The following ALCAM variants were observed in gnomAD, a reference collection of about 807,000 sequenced individuals.
ALCAM encodes activated leukocyte cell adhesion molecule, also known as CD166 antigen.
In ALCAM, 30 loss-of-function variants were observed where a neutral mutation model predicts 70.9. The observed-to-expected ratio is 0.42, with a 90% CI of 0.32 to 0.57. The LOEUF is 0.57. Among genes scored for constraint, ALCAM ranks in the 20% least tolerant of loss-of-function variants. The pLI is 0.11. For synonymous variants in ALCAM, 249 were observed against 242.5 expected, an observed-to-expected ratio of 1.03 and a Z score of -0.25; for missense variants, 591 against 695.1, an observed-to-expected ratio of 0.85 and a Z score of 1.68.
intron 1 of ALCAM, among the ~76,000 whole-genome samples, chr3:105,368,280 A>G (rs1935133356): frequency 6.7e-6 from 1 of 149,460 alleles, no homozygotes; most frequent in Admixed American, 6.7e-5. Context: ...CAAAATTCCC[A>G]ACAACTAAAA....
At chr3:105,498,480 T>C (rs1285876727) in intron 1 of ALCAM, among the ~76,000 whole-genome samples, 3 of 150,076 alleles carry the variant, frequency 2.0e-5, no homozygotes, top group Non-Finnish European at 4.4e-5. Flanking sequence ...CCACCATGTT[T>C]TGTCTGTTAG....
chr3:105,378,326 T>C (rs1935428776), intron 1 of ALCAM, among the ~76,000 whole-genome samples: 1 of 152,004 alleles, frequency 6.6e-6, no homozygotes, highest in Non-Finnish European at 1.5e-5. Context: ...CATACTGTAA[T>C]TTAATGAGTA....
chr3:105,474,881 G>C (rs910440632), intron 1 of ALCAM, among the ~76,000 whole-genome samples: 9 of 151,076 alleles, frequency 6.0e-5, no homozygotes, highest in African/African-American at 2.2e-4. Flanking sequence ...ACTGGTTCCA[G>C]TTAGTATATT....
intron 3 of ALCAM, among the ~76,000 whole-genome samples, chr3:105,527,914 G>T (rs188260141): frequency 6.6e-6 from 1 of 151,262 alleles, no homozygotes; most frequent in Admixed American, 6.6e-5. Flanking sequence ...ATTTTGGGGG[G>T]CATTGAGGGG....
intron 6 of ALCAM, 59 bp downstream of exon 6, chr3:105,534,904 T>C (rs1339549797): frequency 1.4e-6 from 2 of 1,459,346 alleles, no homozygotes; most frequent in Non-Finnish European, 1.8e-6. Context: ...ATTCAAATGC[T>C]ATTAATCTTT....
At chr3:105,543,096 CT>C (rs1940162846) in intron 8 of ALCAM, among the ~76,000 whole-genome samples, 1 of 151,602 alleles carries the variant, frequency 6.6e-6, no homozygotes, top group Admixed American at 6.6e-5. Context: ...AATCTAGTGC[CT>C]TAGAGATGGT....
At chr3:105,426,733 A>G (rs1379381554) in intron 1 of ALCAM, among the ~76,000 whole-genome samples, 1 of 151,848 alleles carries the variant, frequency 6.6e-6, no homozygotes, top group African/African-American at 2.4e-5. Flanking sequence ...TGCAAATTAG[A>G]TTGTTAACTT....
chr3:105,394,900 C>T (rs1244241055), intron 1 of ALCAM, among the ~76,000 whole-genome samples: 2 of 151,810 alleles, frequency 1.3e-5, no homozygotes, highest in South Asian at 2.1e-4. Flanking sequence ...TTATAGCAGA[C>T]CTGTAAGGTT....
chr3:105,388,112 A>G (rs530101399), intron 1 of ALCAM, among the ~76,000 whole-genome samples: 17 of 151,766 alleles, frequency 1.1e-4, no homozygotes, highest in African/African-American at 3.9e-4. Context: ...ATAAAAAGAC[A>G]AGGAAGTACA....
intron 1 of ALCAM, among the ~76,000 whole-genome samples, chr3:105,475,823 CA>C (rs776470787): frequency 7.2e-5 from 11 of 151,866 alleles, no homozygotes; most frequent in Non-Finnish European, 1.3e-4. Flanking sequence ...TCCTGGCCCC[CA>C]TCATGCTCTT....
At chr3:105,572,073 C>T (rs925028499) in intron 15 of ALCAM, 109 bp downstream of exon 15, 3 of 638,248 alleles carry the variant, frequency 4.7e-6, no homozygotes, top group Non-Finnish European at 7.9e-6. Flanking sequence ...GCTTTCAAAA[C>T]AGGAAGAGAG....
intron 11 of ALCAM, among the ~76,000 whole-genome samples, chr3:105,549,574 C>T (rs145178402): frequency 2.0e-5 from 3 of 151,428 alleles, no homozygotes; most frequent in Non-Finnish European, 4.4e-5. Context: ...CTCATTAACA[C>T]CTCACAAACA....
intron 1 of ALCAM, among the ~76,000 whole-genome samples, chr3:105,415,808 A>C (rs150737992): frequency 6.6e-6 from 1 of 152,108 alleles, no homozygotes; most frequent in East Asian, 1.9e-4. Context: ...ACACTTTACA[A>C]AGATAATTTA....
chr3:105,519,727 T>G (rs1939479437), intron 1 of ALCAM, among the ~76,000 whole-genome samples: 2 of 152,160 alleles, frequency 1.3e-5, no homozygotes. Flanking sequence ...GGAAATTATT[T>G]CTATGAAATA....
At chr3:105,473,888 T>G in intron 1 of ALCAM, among the ~76,000 whole-genome samples, 1 of 149,972 alleles carries the variant, frequency 6.7e-6, no homozygotes, top group South Asian at 2.1e-4. Flanking sequence ...TTTGTTTTGT[T>G]TTTTTTTTTA....
Position 105,540,117 on chromosome 3 carries a change from AT to A in ALCAM, c.858+17del. The A allele has an allele frequency of 6.2e-7, 1 of 1,607,376 alleles. No individual in the cohort carries two copies. ...TTTACTTACCAGTAAGTGCTTAAGT[AT>A]TACTTCAGTTGGATGACTATCATTT... On this transcript the variant is annotated intron_variant, in intron 7 of 15. Coordinates refer to ENST00000306107, the MANE Select transcript of ALCAM (RefSeq NM_001627.4).
At chr3:105,368,234 A>AGAGAGAGAGAGAGAGAGAGAGAGAGAGG (rs1935125595) in intron 1 of ALCAM, among the ~76,000 whole-genome samples, 1 of 146,610 alleles carries the variant, frequency 6.8e-6, no homozygotes, top group African/African-American at 2.5e-5. Flanking sequence ...AGAGAGAGAG[A>AGAGAGAGAGAGAGAGAGAGAGAGAGAGG]GAGAGAGAGA....
At chr3:105,481,709 G>A (rs1468758163) in intron 1 of ALCAM, among the ~76,000 whole-genome samples, 1 of 152,118 alleles carries the variant, frequency 6.6e-6, no homozygotes, top group African/African-American at 2.4e-5. Flanking sequence ...ATTACATTAT[G>A]TGAATTAAGA....
At chr3:105,498,930 A>C (rs140960806) in intron 1 of ALCAM, among the ~76,000 whole-genome samples, 1 of 152,178 alleles carries the variant, frequency 6.6e-6, no homozygotes, top group Non-Finnish European at 1.5e-5. Flanking sequence ...AGTGTGAGAA[A>C]ATTCTTGAAG....
Sources: allele counts gnomAD v4.1 joint callset (sites outside exome capture counted in the v4.1 genomes callset), GRCh38; gene constraint gnomAD v4.1.1; transcripts MANE v1.5; gene names NCBI Gene and HGNC (gene_info 2026-07-23, HGNC 2026-07-21).